The following NPAS3 variants were observed in gnomAD, a reference collection of about 807,000 sequenced individuals.
NPAS3 encodes neuronal PAS domain protein 3.
In NPAS3, 14 loss-of-function variants were observed where a neutral mutation model predicts 73.1. The observed-to-expected ratio is 0.19, with a 90% CI of 0.13 to 0.30. The LOEUF (loss-of-function observed/expected upper bound fraction) is 0.30. Ranked by LOEUF, NPAS3 falls within the 10% of genes least tolerant of loss-of-function variation. The pLI, the probability that NPAS3 is intolerant of heterozygous loss-of-function variation, is 1.00. For synonymous variants in NPAS3, 620 were observed against 541.5 expected, an observed-to-expected ratio of 1.14 and a Z score of -2.01; for missense variants, 1,096 against 1,250.0, an observed-to-expected ratio of 0.88 and a Z score of 1.86.
At chr14:33,747,937 A>T (rs1362017013) in intron 7 of NPAS3, among the ~76,000 whole-genome samples, 1 of 152,108 alleles carries the variant, frequency 6.6e-6, no homozygotes, top group East Asian at 1.9e-4. Context: ...TCTGCACCCC[A>T]TCATCTGCTT....
chr14:33,176,805 A>T (rs116505318), intron 2 of NPAS3, among the ~76,000 whole-genome samples: 1 of 152,106 alleles, frequency 6.6e-6, no homozygotes, highest in Non-Finnish European at 1.5e-5. Flanking sequence ...ATTATTTTTC[A>T]TAGGAGTTGT....
chr14:33,510,118 G>A (rs1382696393), intron 4 of NPAS3, among the ~76,000 whole-genome samples: 4 of 152,100 alleles, frequency 2.6e-5, no homozygotes, highest in Non-Finnish European at 5.9e-5. Context: ...TCCAGTGCGA[G>A]CTGGAGCAGT....
chr14:33,755,436 T>C (rs1162528789), intron 7 of NPAS3, among the ~76,000 whole-genome samples: 2 of 152,098 alleles, frequency 1.3e-5, no homozygotes, highest in Non-Finnish European at 2.9e-5. Context: ...AGGCAGAAGG[T>C]ATGTTCATAA....
chr14:32,999,475 C>T (rs937759005), intron 1 of NPAS3, among the ~76,000 whole-genome samples: 2 of 151,736 alleles, frequency 1.3e-5, no homozygotes, highest in African/African-American at 4.9e-5. Context: ...CACACCACTG[C>T]ACTCCAGCCT....
intron 5 of NPAS3, among the ~76,000 whole-genome samples, chr14:33,642,695 C>G (rs1323816613): frequency 6.6e-6 from 1 of 152,122 alleles, no homozygotes; most frequent in Non-Finnish European, 1.5e-5. Flanking sequence ...AGTGGGGATA[C>G]CAGTGTGCAC....
intron 3 of NPAS3, among the ~76,000 whole-genome samples, chr14:33,360,452 T>C (rs1007803016): frequency 6.6e-6 from 1 of 152,224 alleles, no homozygotes; most frequent in African/African-American, 2.4e-5. Flanking sequence ...TTTTTACCTT[T>C]TATTTATTTT....
chr14:33,795,420 A>T (rs2063483320), intron 10 of NPAS3, among the ~76,000 whole-genome samples: 1 of 152,220 alleles, frequency 6.6e-6, no homozygotes, highest in Admixed American at 6.5e-5. Context: ...TTGTACATAG[A>T]GTTTTATGGA....
At chr14:33,149,724 A>T (rs185831568) in intron 2 of NPAS3, among the ~76,000 whole-genome samples, 1 of 152,196 alleles carries the variant, frequency 6.6e-6, no homozygotes, top group Non-Finnish European at 1.5e-5. Flanking sequence ...GAACTTCAGG[A>T]CTGCAAATAT....
At chr14:33,225,579 C>A (rs1228777709) in intron 3 of NPAS3, among the ~76,000 whole-genome samples, 1 of 152,166 alleles carries the variant, frequency 6.6e-6, no homozygotes, top group Non-Finnish European at 1.5e-5. Context: ...TATAGACAAG[C>A]TGTAATGGAA....
chr14:33,461,701 C>A (rs1196145114), intron 4 of NPAS3, among the ~76,000 whole-genome samples: 1 of 152,192 alleles, frequency 6.6e-6, no homozygotes, highest in Admixed American at 6.5e-5. Flanking sequence ...TCTGACCTTG[C>A]ACTTAGTATC....
intron 3 of NPAS3, among the ~76,000 whole-genome samples, chr14:33,283,263 T>A (rs754867785): frequency 6.6e-6 from 1 of 152,238 alleles, no homozygotes; most frequent in Non-Finnish European, 1.5e-5. Flanking sequence ...ACTATTCTGC[T>A]GTTCATTTCA....
intron 2 of NPAS3, among the ~76,000 whole-genome samples, chr14:33,181,342 T>C (rs1009672925): frequency 1.3e-5 from 2 of 152,192 alleles, no homozygotes; most frequent in Non-Finnish European, 1.5e-5. Flanking sequence ...ATAATAAGAA[T>C]TGTGCACTAA....
chr14:33,531,593 G>A (rs1023495586), intron 4 of NPAS3, among the ~76,000 whole-genome samples: 1 of 152,078 alleles, frequency 6.6e-6, no homozygotes, highest in South Asian at 2.1e-4. Flanking sequence ...GGACATTTGG[G>A]TTGATTCAAT....
chr14:33,225,769 T>A (rs983635179), intron 3 of NPAS3, among the ~76,000 whole-genome samples: 2 of 152,174 alleles, frequency 1.3e-5, no homozygotes, highest in African/African-American at 4.8e-5. Flanking sequence ...TAGACCTGCA[T>A]GCATGCCATA....
intron 1 of NPAS3, among the ~76,000 whole-genome samples, chr14:32,979,718 T>A (rs920696735): frequency 1.3e-5 from 2 of 152,010 alleles, no homozygotes; most frequent in African/African-American, 4.8e-5. Context: ...AGAAAGAACA[T>A]TTTCCCAAAC....
intron 4 of NPAS3, among the ~76,000 whole-genome samples, chr14:33,475,130 G>C (rs1014387038): frequency 6.6e-6 from 1 of 151,908 alleles, no homozygotes; most frequent in Non-Finnish European, 1.5e-5. Context: ...ATCAGTTCAG[G>C]ACATATCGAG....
At chr14:33,555,228 G>T (rs12890353) in intron 4 of NPAS3, among the ~76,000 whole-genome samples, 52,701 of 152,018 alleles carry the variant, frequency 0.35, 10,178 homozygotes, top group East Asian at 0.53. Context: ...TTCTAAGATT[G>T]CGTTTCCCAT....
At chr14:33,415,759 C>T (rs1465155227) in intron 4 of NPAS3, among the ~76,000 whole-genome samples, 1 of 152,054 alleles carries the variant, frequency 6.6e-6, no homozygotes, top group Non-Finnish European at 1.5e-5. Context: ...TTGACTCTGC[C>T]TGTTTCTATT....
intron 3 of NPAS3, among the ~76,000 whole-genome samples, chr14:33,250,105 G>A (rs796822249): frequency 7.8e-4 from 118 of 152,184 alleles, no homozygotes; most frequent in African/African-American, 2.7e-3. Flanking sequence ...CAGTTACATC[G>A]GGGTAGGTAG....
Sources: gnomAD v4.1 joint callset for allele counts (sites outside exome capture counted in the v4.1 genomes callset) on GRCh38, gnomAD v4.1.1 for gene constraint, MANE v1.5 for transcripts, NCBI Gene and HGNC (gene_info 2026-07-23, HGNC 2026-07-21) for gene names.